CREM: variants seen among roughly 807,000 people sequenced by gnomAD.
CREM encodes the protein cAMP-responsive element modulator.
In CREM, 13 loss-of-function variants were observed where a neutral mutation model predicts 37.3. That is an observed-to-expected ratio of 0.35 (90% CI 0.23 to 0.55). The LOEUF is 0.55. Ranked by LOEUF, CREM falls within the 20% of genes least tolerant of loss-of-function variation. CREM has a pLI of 0.88. For missense variants in CREM, 296 were observed against 362.3 expected, an observed-to-expected ratio of 0.82 and a Z score of 1.49; for synonymous variants, 124 against 120.2, an observed-to-expected ratio of 1.03 and a Z score of -0.21.
intron 2 of CREM, among the ~76,000 whole-genome samples, chr10:35,146,962 A>G (rs2092178741): frequency 2.0e-5 from 3 of 152,126 alleles, no homozygotes; most frequent in East Asian, 1.9e-4. Context: ...TAGTTAGACT[A>G]AGGTGAAAAA....
At chr10:35,201,185 T>G (rs1588763897) in intron 6 of CREM, among the ~76,000 whole-genome samples, 1 of 152,206 alleles carries the variant, frequency 6.6e-6, no homozygotes, top group East Asian at 1.9e-4. Flanking sequence ...AAATAAGGAA[T>G]AAGAGCCATA....
chr10:35,192,627 G>A (rs1045876605), intron 6 of CREM, among the ~76,000 whole-genome samples: 2 of 152,052 alleles, frequency 1.3e-5, no homozygotes, highest in South Asian at 4.1e-4. Context: ...ACGATTATAG[G>A]CATGAGCCAC....
In CREM at chr10:35,191,028, AG is replaced by A. The variant is rs549381098; in HGVS notation, c.598+2641del. 1.5e-4 allele frequency among the ~76,000 whole-genome samples: 23 copies of A among 152,068 alleles called. No homozygotes were observed. In the South Asian group the frequency reaches 4.8e-3, roughly 32 times the overall value. On this transcript the variant is annotated intron_variant, in intron 6 of 7. Coordinates refer to ENST00000685392, the MANE Select transcript of CREM (RefSeq NM_183011.2). ...GTTAAGTTGACCTATCCCAAACCAT[AG>A]AAAGTCTTGTTTATTCAGATCTCAT...
At chr10:35,173,788 A>G (rs545857938) in intron 3 of CREM, among the ~76,000 whole-genome samples, 8 of 152,324 alleles carry the variant, frequency 5.3e-5, no homozygotes, top group African/African-American at 1.7e-4. Context: ...CTTAAGATCT[A>G]GTTAAGTGTT....
At chr10:35,198,325 C>T (rs572561179) in intron 6 of CREM, among the ~76,000 whole-genome samples, 38 of 152,152 alleles carry the variant, frequency 2.5e-4, no homozygotes, top group African/African-American at 8.7e-4. Context: ...GAGTTCAAGA[C>T]CAGCCTGGCC....
At chr10:35,166,330 A>G (rs1406964832) in intron 3 of CREM, among the ~76,000 whole-genome samples, 2 of 152,170 alleles carry the variant, frequency 1.3e-5, no homozygotes, top group Non-Finnish European at 2.9e-5. Flanking sequence ...TGGGAGGCCA[A>G]GGCGGGTAGA....
At chr10:35,146,463 C>G (rs970336776) in intron 2 of CREM, among the ~76,000 whole-genome samples, 1 of 152,132 alleles carries the variant, frequency 6.6e-6, no homozygotes, top group African/African-American at 2.4e-5. Flanking sequence ...TTTTCCCTAC[C>G]CTTTTTCCCC....
intron 6 of CREM, among the ~76,000 whole-genome samples, chr10:35,197,134 T>G (rs1181940894): frequency 6.6e-6 from 1 of 152,014 alleles, no homozygotes. Flanking sequence ...TTTTAACCAC[T>G]ACATATAAAT....
chr10:35,165,533 G>T (rs1268702425), intron 3 of CREM, among the ~76,000 whole-genome samples: 1 of 151,912 alleles, frequency 6.6e-6, no homozygotes, highest in African/African-American at 2.4e-5. Context: ...TTTTGGCTTA[G>T]AATCTTACTG....
chr10:35,161,027 AAAATAACTTG>A (rs1351099904), intron 3 of CREM, among the ~76,000 whole-genome samples: 1 of 152,202 alleles, frequency 6.6e-6, no homozygotes, highest in African/African-American at 2.4e-5. Context: ...TTAACTTTTT[AAAATAACTTG>A]AAGTAAAATA....
At chr10:35,173,608 A>G (rs543468668) in intron 3 of CREM, among the ~76,000 whole-genome samples, 11 of 152,342 alleles carry the variant, frequency 7.2e-5, no homozygotes, top group African/African-American at 2.4e-4. Flanking sequence ...GTTAAATATC[A>G]ACATATATAA....
At chr10:35,169,149 C>G (rs948224354) in intron 3 of CREM, among the ~76,000 whole-genome samples, 6 of 152,112 alleles carry the variant, frequency 3.9e-5, no homozygotes, top group Admixed American at 3.9e-4. Context: ...TCATTGGTAG[C>G]CTGATTGGGA....
In CREM at chr10:35,173,432, A is replaced by G. The variant is rs139807427; in HGVS notation, c.169-5457A>G. 2.8e-3 allele frequency among the ~76,000 whole-genome samples: 423 copies of G among 152,352 alleles called. 1 individual carries two copies. Among genetic ancestry groups the G allele is most frequent in the African/African-American group, 9.7e-3 (404 of 41,582 alleles). ...TAGATATGAGAATCTGGCTATCTTC[A>G]GTTAAACCTGACATTAAAATAATTT... On this transcript the variant is annotated intron_variant, in intron 3 of 7. Transcript: ENST00000685392.
intron 3 of CREM, among the ~76,000 whole-genome samples, chr10:35,153,587 A>G (rs548491825): frequency 1.3e-5 from 2 of 152,288 alleles, no homozygotes; most frequent in South Asian, 4.1e-4. Flanking sequence ...TAGGTGGGTA[A>G]GGTCATTCAG....
chr10:35,211,218 C>T (rs1166915493), intron 7 of CREM, 36 bp from the exon 8 acceptor site: 1 of 1,601,520 alleles, frequency 6.2e-7, no homozygotes. Context: ...TGTTGGAAGG[C>T]TGTTCCTGTA....
intron 3 of CREM, among the ~76,000 whole-genome samples, chr10:35,165,461 T>C (rs2093504735): frequency 6.6e-6 from 1 of 152,208 alleles, no homozygotes; most frequent in African/African-American, 2.4e-5. Context: ...TTTGTCAAAA[T>C]GATTCTGATT....
At chr10:35,188,511 TAAA>T (rs1050825129) in intron 6 of CREM, 123 bp downstream of exon 6, 141 of 731,310 alleles carry the variant, frequency 1.9e-4, no homozygotes, top group South Asian at 1.3e-3. Flanking sequence ...GGGAGGCACT[TAAA>T]AAGGCTTACA....
At chr10:35,210,418 T>C (rs2095640491) in intron 7 of CREM, 1 of 152,240 alleles carries the variant, frequency 6.6e-6, no homozygotes, top group South Asian at 2.1e-4. Context: ...CTGTTTGTGT[T>C]GTTGCTTTGG....
chr10:35,134,915 GTAATC>G (rs2090184145), intron 1 of CREM, among the ~76,000 whole-genome samples: 1 of 151,976 alleles, frequency 6.6e-6, no homozygotes, highest in Admixed American at 6.6e-5. Context: ...GCATGCGCCT[GTAATC>G]CCAGCTACTC....
Sources: allele counts gnomAD v4.1 joint callset (sites outside exome capture counted in the v4.1 genomes callset), GRCh38; gene constraint gnomAD v4.1.1; transcripts MANE v1.5; gene names NCBI Gene and HGNC (gene_info 2026-07-23, HGNC 2026-07-21).